Variants in NCAPD3 observed in about 807,000 individuals in gnomAD.
NCAPD3 encodes the protein non-SMC condensin II complex subunit D3, also known as condensin-2 complex subunit D3.
A neutral mutation model predicts 182.9 loss-of-function variants in NCAPD3; 105 were observed. That is an observed-to-expected ratio of 0.57 (90% CI 0.49 to 0.68). NCAPD3 has a LOEUF of 0.68. Ranked by LOEUF, NCAPD3 falls within the 30% of genes least tolerant of loss-of-function variation. NCAPD3 has a pLI of 0.00. For synonymous variants in NCAPD3, 815 were observed against 679.9 expected (o/e 1.20, Z -3.09); for missense variants, 1,944 against 1,837.0 (o/e 1.06, Z -1.07).
At chr11:134,206,026 C>T (rs1050994712) in intron 8 of NCAPD3, among the ~76,000 whole-genome samples, 2 of 152,146 alleles carry the variant, frequency 1.3e-5, no homozygotes, top group African/African-American at 4.8e-5. Context: ...GCCAACAACG[C>T]AGCAAACATG....
rs751304728 is a variant in NCAPD3, at chr11:134,153,203, A to G, written c.4328-3T>C. 6.2e-7 allele frequency: 1 copy of G among 1,614,058 alleles called. No homozygotes were observed. Among genetic ancestry groups the G allele is most frequent in the Non-Finnish European group, 8.5e-7 (1 of 1,179,904 alleles). ...TTGACTCCGGCCTTCAATTTTCTCT[A>G]AAAGGGAGTCAAACAAACACATTCA... On this transcript the variant is annotated splice_polypyrimidine_tract_variant and splice_region_variant and intron_variant, in intron 33 of 34. Coordinates refer to ENST00000534548, the MANE Select transcript of NCAPD3 (RefSeq NM_015261.3).
chr11:134,204,379 T>C lies in NCAPD3; in HGVS notation c.1090-208A>G, dbSNP rs1214432422. ...AACCATCTCTCCAGAAAAATGCACA[T>C]ACAAATTTAGTATACAATTTCAGAG... On this transcript the variant is annotated intron_variant, in intron 9 of 34. Transcript: ENST00000534548. The surrounding 1 kb of genome is among the most constrained non-coding windows in gnomAD (Gnocchi z 4.3). 2.6e-5 allele frequency among the ~76,000 whole-genome samples: 4 copies of C among 152,192 alleles called. No individual in the cohort carries two copies. The highest frequency in any genetic ancestry group is 4.4e-5 in the Non-Finnish European group (3 of 68,038).
chr11:134,218,110 A>AGG (rs5795873), intron 2 of NCAPD3, among the ~76,000 whole-genome samples: 2,214 of 59,202 alleles, frequency 0.037, 77 homozygotes, highest in African/African-American at 0.043. Context: ...AAAAAAAAAA[A>AGG]GGGGGGGGGG....
chr11:134,209,831 G>A (rs757457215), intron 4 of NCAPD3: 18 of 229,710 alleles, frequency 7.8e-5, no homozygotes, highest in Non-Finnish European at 1.4e-4. Context: ...AAGGTGAGTG[G>A]ATCACCTGAG....
In NCAPD3 at chr11:134,181,188, C is replaced by T. The variant is rs567860879; in HGVS notation, c.2452-4G>A. The T allele has an allele frequency of 2.4e-5, 38 of 1,610,024 alleles. No homozygotes were observed. The highest frequency in any genetic ancestry group is 8.3e-5 in the Admixed American group (5 of 59,930). ...CACACACCTGCGTCAGCAATTCCTA[C>T]GGCAAGTCAAAAGTCATCTCTGAAG... On this transcript the variant is annotated splice_polypyrimidine_tract_variant and splice_region_variant and intron_variant, in intron 19 of 34. Coordinates refer to ENST00000534548, the MANE Select transcript of NCAPD3 (RefSeq NM_015261.3).
At chr11:134,213,383 G>A (rs1018171391) in intron 3 of NCAPD3, among the ~76,000 whole-genome samples, 5 of 151,300 alleles carry the variant, frequency 3.3e-5, no homozygotes, top group Admixed American at 1.3e-4. Context: ...GCAGTGGCAC[G>A]ATCTCAACTC....
rs1485452891 is a variant in NCAPD3 at position 134,151,692 on chromosome 11, AC to A, written c.*1251del. The stretch of plus-strand genomic sequence containing the variant: ...CTGTACACAGATGCTACAGACTTGT[AC>A]TAACACACCGTAATTTGGCATTTGT... On this transcript the variant is annotated 3_prime_UTR_variant, in exon 35 of 35. Coordinates refer to ENST00000534548, the MANE Select transcript of NCAPD3 (RefSeq NM_015261.3). 1.3e-5 allele frequency: 2 copies of A among 152,246 alleles called. No homozygotes were observed. Among genetic ancestry groups the A allele is most frequent in the Non-Finnish European group, 2.9e-5 (2 of 68,048 alleles). 9.4% of individuals were successfully genotyped at this position (152,246 alleles called of 1,614,324 possible).
At chr11:134,219,553 A>G (rs1382952957) in intron 2 of NCAPD3, among the ~76,000 whole-genome samples, 1 of 152,134 alleles carries the variant, frequency 6.6e-6, no homozygotes, top group East Asian at 1.9e-4. Flanking sequence ...GTTTAATTAG[A>G]TGATTTAATT....
chr11:134,193,947 TA>T (rs1451984969), intron 15 of NCAPD3, 68 bp downstream of exon 15: 9 of 1,488,198 alleles, frequency 6.0e-6, no homozygotes, highest in Non-Finnish European at 8.3e-6. Context: ...TAGCAGCAGG[TA>T]ATTATTGTGT....
At chr11:134,200,191 A>G (rs1204942834) in intron 13 of NCAPD3, among the ~76,000 whole-genome samples, 2 of 152,212 alleles carry the variant, frequency 1.3e-5, no homozygotes, top group African/African-American at 4.8e-5. Flanking sequence ...GGATTACACA[A>G]CGATTTCTTA....
At chr11:134,189,798 T>G (rs1424736759) in intron 16 of NCAPD3, among the ~76,000 whole-genome samples, 2 of 152,216 alleles carry the variant, frequency 1.3e-5, no homozygotes, top group African/African-American at 2.4e-5. Flanking sequence ...TCTTTACAAC[T>G]GATGACATTT....
At chr11:134,174,649 C>T (rs115013322) in intron 24 of NCAPD3, among the ~76,000 whole-genome samples, 1,821 of 152,034 alleles carry the variant, frequency 0.012, 29 homozygotes, top group African/African-American at 0.041. Flanking sequence ...AGGAGGAGTA[C>T]AGGAAAATGC....
chr11:134,183,094 G>T (rs1944331086), intron 19 of NCAPD3: 3 of 456,248 alleles, frequency 6.6e-6, no homozygotes, highest in Non-Finnish European at 1.3e-5. Context: ...GCAGCAAGCG[G>T]CAGATGACTT....
chr11:134,159,481 A>G (rs1943518242), intron 29 of NCAPD3, among the ~76,000 whole-genome samples: 1 of 152,218 alleles, frequency 6.6e-6, no homozygotes, highest in Non-Finnish European at 1.5e-5. Context: ...GGAGTATGCT[A>G]CTTTGTGCTC....
chr11:134,172,657 T>C lies in NCAPD3; in HGVS notation c.3102-3603A>G, dbSNP rs554129766. Among the ~76,000 whole-genome samples, 3 of 152,262 alleles carry C rather than the reference T, an allele frequency of 2.0e-5. No individual in the cohort carries two copies. In the East Asian group the frequency reaches 5.8e-4, roughly 29 times the overall value. The stretch of plus-strand genomic sequence containing the variant: ...TGCTTAGTACTTGGCTGTTGCCCTG[T>C]GATTACAAGGCCACCACCTATCGGG... On this transcript the variant is annotated intron_variant, in intron 24 of 34. Transcript: ENST00000534548.
At chr11:134,154,486 C>CA (rs965381879) in intron 32 of NCAPD3, among the ~76,000 whole-genome samples, 2 of 150,126 alleles carry the variant, frequency 1.3e-5, no homozygotes, top group African/African-American at 4.9e-5. Flanking sequence ...CACCCCCCCC[C>CA]CCACCGCCCC....
At chr11:134,153,574 C>T (rs879626487) in intron 32 of NCAPD3, 44 of 595,206 alleles carry the variant, frequency 7.4e-5, no homozygotes, top group Non-Finnish European at 1.2e-4. Flanking sequence ...TTCTCTGACC[C>T]GCAGCCCTCA....
At chr11:134,167,228 C>T (rs533635000) in intron 27 of NCAPD3, among the ~76,000 whole-genome samples, 1 of 109,616 alleles carries the variant, frequency 9.1e-6, no homozygotes, top group Non-Finnish European at 1.8e-5. Flanking sequence ...GTGAGATGAG[C>T]TTGGGGGAGG....
intron 13 of NCAPD3, among the ~76,000 whole-genome samples, chr11:134,195,786 A>C (rs1944615457): frequency 6.6e-6 from 1 of 152,132 alleles, no homozygotes; most frequent in South Asian, 2.1e-4. Flanking sequence ...AAGCCAGCTT[A>C]TCTCTCATCT....
Sources: gnomAD v4.1 joint callset for allele counts (sites outside exome capture counted in the v4.1 genomes callset) on GRCh38, gnomAD v4.1.1 for gene constraint, Gnocchi (gnomAD v3.1) non-coding constraint, MANE v1.5 for transcripts, NCBI Gene and HGNC (gene_info 2026-07-23, HGNC 2026-07-21) for gene names.